ARHGEF10L: variants seen among roughly 807,000 people sequenced by gnomAD.
ARHGEF10L encodes the protein Rho guanine nucleotide exchange factor 10 like, also known as rho guanine nucleotide exchange factor 10-like protein.
In ARHGEF10L, 69 loss-of-function variants were observed where a neutral mutation model predicts 141.2. The ratio of observed to expected loss-of-function variants is 0.49; its 90% CI spans 0.40 to 0.60. The LOEUF is 0.60. Ranked by LOEUF, ARHGEF10L falls within the 20% of genes least tolerant of loss-of-function variation. The pLI, the probability that ARHGEF10L is intolerant of heterozygous loss-of-function variation, is 0.00. For synonymous variants in ARHGEF10L, 711 were observed against 718.5 expected (o/e 0.99, Z 0.17); for missense variants, 1,482 against 1,734.3 (o/e 0.85, Z 2.58).
At chr1:17,526,111 C>G in the ARHGEF10L span, among the ~76,000 whole-genome samples, 1 of 152,186 alleles carries the variant, frequency 6.6e-6, no homozygotes, top group African/African-American at 2.4e-5. Context: ...GGGCCCTTCC[C>G]CTCTGAAAGT....
chr1:17,695,398 C>T (rs531695662), intron 28 of ARHGEF10L, 118 bp downstream of exon 28: 260 of 1,376,400 alleles, frequency 1.9e-4, no homozygotes, highest in Admixed American at 4.6e-4. Context: ...TTCCAGTCTC[C>T]AGCTTCCTCT....
rs926821263 is a variant in ARHGEF10L at position 17,644,059 on chromosome 1, C to T, written c.2272+3757C>T. On this transcript the variant is annotated intron_variant, in intron 21 of 28. Coordinates refer to ENST00000361221, the MANE Select transcript of ARHGEF10L (RefSeq NM_018125.4). The surrounding 1 kb of genome is among the most constrained non-coding windows in gnomAD (Gnocchi z 4.5). The stretch of plus-strand genomic sequence containing the variant: ...TTGCTGCCTCTTACCCTCCCCGGGC[C>T]CTTGGAGCTCCTCCCACCCATGGCC... 2.0e-5 allele frequency among the ~76,000 whole-genome samples: 3 copies of T among 152,216 alleles called. No homozygotes were observed. Among genetic ancestry groups the T allele is most frequent in the Non-Finnish European group, 2.9e-5 (2 of 68,036 alleles).
At chr1:17,521,625 T>G in the ARHGEF10L span, among the ~76,000 whole-genome samples, 4 of 152,186 alleles carry the variant, frequency 2.6e-5, no homozygotes, top group African/African-American at 9.7e-5. Context: ...CAATGAGGTG[T>G]TGTTGTTATC....
At chr1:17,539,293 C>T (rs368287252), upstream of ARHGEF10L, among the ~76,000 whole-genome samples, 1 of 152,300 alleles carries the variant, frequency 6.6e-6, no homozygotes, top group East Asian at 1.9e-4. This position sits in a 1 kb window ranked among gnomAD's most constrained non-coding sequence, Gnocchi z 6.0. Context: ...CCCCTGGGGC[C>T]GGTCCAGGAT....
chr1:17,539,041 T>C (rs112066607), upstream of ARHGEF10L, among the ~76,000 whole-genome samples: 712 of 152,388 alleles, frequency 4.7e-3, 7 homozygotes, highest in African/African-American at 0.016. This position sits in a 1 kb window ranked among gnomAD's most constrained non-coding sequence, Gnocchi z 6.0. Context: ...CTCAGCACTT[T>C]GCTGCTCAGT....
chr1:17,678,427 T>C (rs1290526917), intron 26 of ARHGEF10L, among the ~76,000 whole-genome samples: 2 of 151,816 alleles, frequency 1.3e-5, no homozygotes, highest in African/African-American at 4.8e-5. Flanking sequence ...GTTTTTTTTT[T>C]TTTTTTTTTG....
At chr1:17,630,691 C>T (rs1342689730) in intron 15 of ARHGEF10L, among the ~76,000 whole-genome samples, 1 of 152,226 alleles carries the variant, frequency 6.6e-6, no homozygotes, top group Admixed American at 6.5e-5. Context: ...ATCTCAGTTT[C>T]CTCACCTGGG....
At chr1:17,664,125 A>C (rs969323443) in intron 25 of ARHGEF10L, among the ~76,000 whole-genome samples, 1 of 152,092 alleles carries the variant, frequency 6.6e-6, no homozygotes, top group Non-Finnish European at 1.5e-5. Flanking sequence ...TGGGTGGAGT[A>C]GGTGCTTACT....
intron 22 of ARHGEF10L, among the ~76,000 whole-genome samples, chr1:17,649,593 T>C (rs1184835808): frequency 3.3e-5 from 5 of 152,230 alleles, no homozygotes; most frequent in Admixed American, 3.3e-4. Context: ...TGCTAGACCC[T>C]GGGAATACAG....
intron 1 of ARHGEF10L, among the ~76,000 whole-genome samples, chr1:17,554,634 G>A (rs1402274038): frequency 1.4e-5 from 2 of 143,108 alleles, no homozygotes; most frequent in African/African-American, 5.3e-5. Context: ...CGCCCAGGCT[G>A]GAACACAGTG....
chr1:17,538,030 T>C (rs1197058178), upstream of ARHGEF10L, among the ~76,000 whole-genome samples: 1 of 151,464 alleles, frequency 6.6e-6, no homozygotes, highest in Non-Finnish European at 1.5e-5. Flanking sequence ...GAGCTGATTG[T>C]GCCAGCCTGA....
intron 2 of ARHGEF10L, among the ~76,000 whole-genome samples, chr1:17,585,540 TCTC>T (rs1405053018): frequency 6.6e-6 from 1 of 152,112 alleles, no homozygotes; most frequent in Non-Finnish European, 1.5e-5. Context: ...AGTGGCTGTG[TCTC>T]CTCCTCCGTG....
chr1:17,549,524 A>C (rs112163220), intron 1 of ARHGEF10L, among the ~76,000 whole-genome samples: 3,034 of 152,178 alleles, frequency 0.02, 93 homozygotes, highest in African/African-American at 0.069. Flanking sequence ...CTCTCTGAAG[A>C]GAGACATTTA....
chr1:17,541,327 T>G (rs1464001181), intron 1 of ARHGEF10L, among the ~76,000 whole-genome samples: 3 of 152,224 alleles, frequency 2.0e-5, no homozygotes, highest in Non-Finnish European at 4.4e-5. Context: ...GGGGGCTTTT[T>G]TCAGTCTTCC....
chr1:17,576,770 G>A (rs544695452), intron 1 of ARHGEF10L, among the ~76,000 whole-genome samples: 7 of 152,148 alleles, frequency 4.6e-5, no homozygotes, highest in South Asian at 2.1e-4. Context: ...TACTCCCACC[G>A]CCCCAGTGAG....
At chr1:17,591,004 G>C (rs541567642) in intron 4 of ARHGEF10L, among the ~76,000 whole-genome samples, 73 of 152,214 alleles carry the variant, frequency 4.8e-4, no homozygotes, top group African/African-American at 1.6e-3. Context: ...AACAAACAAA[G>C]AAACAAAACC....
rs562930277 is a variant in ARHGEF10L, at chr1:17,662,590, A to C, written c.2861-1857A>C. 4.0e-5 allele frequency among the ~76,000 whole-genome samples: 6 copies of C among 151,512 alleles called. No individual in the cohort carries two copies. In the South Asian group the frequency reaches 1.0e-3, roughly 26 times the overall value. On this transcript the variant is annotated intron_variant, in intron 25 of 28. Transcript: ENST00000361221. The stretch of plus-strand genomic sequence containing the variant: ...AGCTTGGATTCTGCCCATTTTAAGT[A>C]GGGCATAAGGGCAGAAGGGGAACCT...
At chr1:17,524,315 AAAAG>A in the ARHGEF10L span, among the ~76,000 whole-genome samples, 42 of 151,234 alleles carry the variant, frequency 2.8e-4, no homozygotes, top group African/African-American at 7.3e-4. Context: ...AAGAAAAAAA[AAAAG>A]AAAGACCTTG....
chr1:17,546,697 T>C (rs970259926), intron 1 of ARHGEF10L, among the ~76,000 whole-genome samples: 1 of 152,158 alleles, frequency 6.6e-6, no homozygotes, highest in Non-Finnish European at 1.5e-5. Flanking sequence ...AGTTAATGTA[T>C]GTTTTTTTAA....
Sources: allele counts gnomAD v4.1 joint callset (sites outside exome capture counted in the v4.1 genomes callset), GRCh38; gene constraint gnomAD v4.1.1; non-coding constraint Gnocchi (gnomAD v3.1); transcripts MANE v1.5; gene names NCBI Gene and HGNC (gene_info 2026-07-23, HGNC 2026-07-21).